The following STAG1 variants were observed in gnomAD, a reference collection of about 807,000 sequenced individuals.
STAG1 encodes cohesin subunit SA-1.
A neutral mutation model predicts 170.9 loss-of-function variants in STAG1; 26 were observed. The ratio of observed to expected loss-of-function variants is 0.15; its 90% CI spans 0.11 to 0.21. The LOEUF is 0.21. Ranked by LOEUF, STAG1 falls within the 10% of genes least tolerant of loss-of-function variation. The pLI is 1.00. For missense variants in STAG1, 964 were observed against 1,509.5 expected (o/e 0.64, Z 5.99); for synonymous variants, 514 against 497.7 (o/e 1.03, Z -0.44).
At chr3:136,644,266 CAGA>C (rs1427991530) in intron 1 of STAG1, among the ~76,000 whole-genome samples, 2 of 152,144 alleles carry the variant, frequency 1.3e-5, no homozygotes, top group African/African-American at 4.8e-5. Flanking sequence ...ATTCCCCCAA[CAGA>C]AGGTTTTTCA....
intron 9 of STAG1, among the ~76,000 whole-genome samples, chr3:136,491,263 G>T (rs1016906883): frequency 6.6e-6 from 1 of 152,062 alleles, no homozygotes; most frequent in Non-Finnish European, 1.5e-5. Flanking sequence ...GACTACAGGT[G>T]CACACTACCA....
intron 26 of STAG1, among the ~76,000 whole-genome samples, chr3:136,360,135 T>C (rs1936804508): frequency 6.6e-6 from 1 of 152,186 alleles, no homozygotes; most frequent in South Asian, 2.1e-4. Flanking sequence ...GGAGGTAATA[T>C]ACAAGCAATT....
At chr3:136,606,677 G>A (rs1257455716) in intron 3 of STAG1, among the ~76,000 whole-genome samples, 1 of 151,726 alleles carries the variant, frequency 6.6e-6, no homozygotes, top group African/African-American at 2.4e-5. Context: ...GTTCCTCACT[G>A]GAATTTGTCT....
intron 1 of STAG1, among the ~76,000 whole-genome samples, chr3:136,687,338 A>G (rs896453871): frequency 6.6e-6 from 1 of 152,204 alleles, no homozygotes. Context: ...GTTGGAAGAC[A>G]TAAAAAATTA....
chr3:136,354,034 G>T (rs1345797425), intron 28 of STAG1, among the ~76,000 whole-genome samples: 1 of 152,086 alleles, frequency 6.6e-6, no homozygotes, highest in African/African-American at 2.4e-5. Context: ...GAATCCACAG[G>T]AAGAAATGAA....
rs1014970276 is a variant in STAG1, at chr3:136,434,881, G to T, written c.1547-1222C>A. ...CACTTTTGTATTTTTAACCTATTTG[G>T]CATTTATTTCTGATGATAGTAGGTG... On this transcript the variant is annotated intron_variant, in intron 15 of 33. Transcript: ENST00000383202. Among the ~76,000 whole-genome samples the T allele has an allele frequency of 4.0e-5, 6 of 151,630 alleles. No homozygotes were observed. The East Asian group carries it at 1.2e-3, about 29-fold the overall frequency.
chr3:136,516,737 GAAT>G (rs1934398131), intron 7 of STAG1, among the ~76,000 whole-genome samples: 4 of 152,160 alleles, frequency 2.6e-5, no homozygotes, highest in Admixed American at 2.6e-4. Context: ...AAGAATAATA[GAAT>G]AATAGCTGCA....
intron 3 of STAG1, among the ~76,000 whole-genome samples, chr3:136,614,957 C>A (rs866459641): frequency 1.5e-4 from 23 of 151,660 alleles, no homozygotes; most frequent in Non-Finnish European, 2.9e-4. Flanking sequence ...GAGATAAATA[C>A]GTGCAATATA....
chr3:136,685,226 C>T (rs1382448631), intron 1 of STAG1, among the ~76,000 whole-genome samples: 1 of 151,948 alleles, frequency 6.6e-6, no homozygotes, highest in Admixed American at 6.6e-5. Context: ...TGAGGCATGA[C>T]AATTGCTTGA....
At chr3:136,736,663 C>T (rs554811695) in intron 1 of STAG1, 2 of 1,604,696 alleles carry the variant, frequency 1.2e-6, no homozygotes, top group African/African-American at 2.7e-5. Context: ...TTTTCTTGAG[C>T]TTCAATCTCT....
rs1339839409 is a variant in STAG1, at chr3:136,337,314, TAAG to T, written c.*937_*939del. On this transcript the variant is annotated 3_prime_UTR_variant, in exon 34 of 34. Coordinates refer to ENST00000383202, the MANE Select transcript of STAG1 (RefSeq NM_005862.3). ...AGGATTTCTTCATGATTGATTATCT[TAAG>T]AAAATGGAAGTCTGTGTAACTTGAA... is the stretch of plus-strand genomic sequence containing the variant. 1 of 152,646 alleles carries T rather than the reference TAAG, an allele frequency of 6.6e-6. No homozygotes were observed. Among genetic ancestry groups the T allele is most frequent in the Non-Finnish European group, 1.5e-5 (1 of 68,036 alleles). 9.5% of individuals were successfully genotyped at this position (152,646 alleles called of 1,614,324 possible). A position where few individuals can be genotyped will look rare whatever the true frequency, so the allele number is the denominator to read the frequency against.
chr3:136,372,003 C>T (rs1341767147), intron 23 of STAG1, among the ~76,000 whole-genome samples: 1 of 152,170 alleles, frequency 6.6e-6, no homozygotes, highest in Non-Finnish European at 1.5e-5. Context: ...GAATGTTCTT[C>T]CACTTGTTTG....
chr3:136,578,849 G>C (rs887944985), intron 4 of STAG1, among the ~76,000 whole-genome samples: 1 of 152,156 alleles, frequency 6.6e-6, no homozygotes, highest in African/African-American at 2.4e-5. Flanking sequence ...AATTGGAAAA[G>C]ACATACTTGG....
At chr3:136,584,564 T>C (rs1177859424) in intron 4 of STAG1, among the ~76,000 whole-genome samples, 2 of 152,208 alleles carry the variant, frequency 1.3e-5, no homozygotes, top group East Asian at 3.8e-4. Flanking sequence ...TGAAGCTTTG[T>C]TTCTTGGTTC....
chr3:136,535,545 C>G (rs2107716724), intron 6 of STAG1, among the ~76,000 whole-genome samples: 1 of 152,286 alleles, frequency 6.6e-6, no homozygotes, highest in South Asian at 2.1e-4. Flanking sequence ...AGCCTGTAAT[C>G]CCAGCTACTT....
At chr3:136,362,159 A>C (rs140364556) in intron 26 of STAG1, among the ~76,000 whole-genome samples, 1,562 of 151,196 alleles carry the variant, frequency 0.01, 28 homozygotes, top group East Asian at 0.053. Context: ...GGGTTTCATC[A>C]TGTTGACCAG....
chr3:136,485,934 C>G (rs1487260833), intron 9 of STAG1, among the ~76,000 whole-genome samples: 1 of 152,156 alleles, frequency 6.6e-6, no homozygotes, highest in Non-Finnish European at 1.5e-5. Context: ...TAAGTTGTTT[C>G]CAAGGTTTTG....
chr3:136,466,590 T>C (rs1274756198), intron 12 of STAG1, among the ~76,000 whole-genome samples: 1 of 152,120 alleles, frequency 6.6e-6, no homozygotes, highest in Admixed American at 6.5e-5. Flanking sequence ...CAGGATATTA[T>C]CCAGGAGAAC....
intron 9 of STAG1, among the ~76,000 whole-genome samples, chr3:136,495,508 G>C (rs923842493): frequency 6.6e-6 from 1 of 152,120 alleles, no homozygotes; most frequent in Non-Finnish European, 1.5e-5. Context: ...CTATACATCT[G>C]TTCACGAACT....
Sources: gnomAD v4.1 joint callset for allele counts (sites outside exome capture counted in the v4.1 genomes callset) on GRCh38, gnomAD v4.1.1 for gene constraint, MANE v1.5 for transcripts, NCBI Gene and HGNC (gene_info 2026-07-23, HGNC 2026-07-21) for gene names.